Variants in TRERF1 observed in about 807,000 individuals in gnomAD.
The protein encoded by TRERF1 is transcriptional regulating factor 1.
Under a neutral mutation model 122.9 loss-of-function variants are expected in TRERF1, and 27 were observed. That is an observed-to-expected ratio of 0.22 (90% confidence interval 0.16 to 0.30). TRERF1 has a LOEUF of 0.30. Among genes scored for constraint, TRERF1 ranks in the 10% least tolerant of loss-of-function variants. The probability of loss-of-function intolerance (pLI) is 1.00; values close to 1 mark genes in which losing one functional copy is unlikely to be tolerated. For synonymous variants in TRERF1, 636 were observed against 641.7 expected, an observed-to-expected ratio of 0.99 and a Z score of 0.13; for missense variants, 1,248 against 1,560.3, an observed-to-expected ratio of 0.80 and a Z score of 3.37.
At chr6:42,409,104 T>C (rs922216021) in intron 2 of TRERF1, among the ~76,000 whole-genome samples, 2 of 152,012 alleles carry the variant, frequency 1.3e-5, no homozygotes, top group African/African-American at 4.8e-5. Context: ...CCAGGCAACA[T>C]GACAAAATCC....
chr6:42,256,981 G>C, exon 11 of TRERF1: 2 of 1,614,196 alleles, frequency 1.2e-6, no homozygotes, highest in Non-Finnish European at 1.7e-6. Context: ...TGGAGGTCAT[G>C]GTTTTCTAGT....
chr6:42,430,056 C>T (rs544421272), intron 2 of TRERF1, among the ~76,000 whole-genome samples: 1 of 151,822 alleles, frequency 6.6e-6, no homozygotes, highest in African/African-American at 2.4e-5. Flanking sequence ...CAAGCGCATA[C>T]CAGATATGGG....
At chr6:42,440,670 T>C (rs1230971097) in intron 2 of TRERF1, among the ~76,000 whole-genome samples, 2 of 152,208 alleles carry the variant, frequency 1.3e-5, no homozygotes, top group African/African-American at 4.8e-5. Flanking sequence ...GTTACCAAAA[T>C]TCTCCTCAAA....
rs76396873 is a variant in TRERF1 at position 42,362,536 on chromosome 6, T to C, written c.-371+461A>G. ...ATGCCCATTTTATGGAGGGACAAAC[T>C]GAGAATGGAAGGGATCATGAGGCCA... On this transcript the variant is annotated intron_variant, in intron 3 of 17. Coordinates refer to ENST00000372922, the Ensembl canonical transcript of TRERF1. 5.9e-5 allele frequency among the ~76,000 whole-genome samples: 9 copies of C among 152,278 alleles called. No homozygotes were observed. In the East Asian group the frequency reaches 1.7e-3, roughly 29 times the overall value.
At chr6:42,307,278 G>A (rs1787429574) in intron 3 of TRERF1, among the ~76,000 whole-genome samples, 2 of 152,032 alleles carry the variant, frequency 1.3e-5, no homozygotes, top group Non-Finnish European at 2.9e-5. Context: ...CTTTCATTAA[G>A]TGCTCCCCAC....
chr6:42,431,993 G>A (rs1562200274), intron 2 of TRERF1, among the ~76,000 whole-genome samples: 1 of 152,204 alleles, frequency 6.6e-6, no homozygotes, highest in Non-Finnish European at 1.5e-5. Context: ...ATGAGCTCAT[G>A]GTAGTATAGT....
chr6:42,433,303 G>GA (rs1217004019), intron 2 of TRERF1, among the ~76,000 whole-genome samples: 1 of 151,126 alleles, frequency 6.6e-6, no homozygotes, highest in African/African-American at 2.4e-5. Context: ...CAAGATACCA[G>GA]AAAAAAAAGT....
intron 13 of TRERF1, among the ~76,000 whole-genome samples, chr6:42,248,201 G>A (rs1482419555): frequency 6.6e-6 from 1 of 152,108 alleles, no homozygotes; most frequent in Non-Finnish European, 1.5e-5. Context: ...TCACATTTCT[G>A]AAATAAACAA....
chr6:42,240,018 C>T (rs1192623368), intron 15 of TRERF1, among the ~76,000 whole-genome samples: 1 of 151,998 alleles, frequency 6.6e-6, no homozygotes, highest in Non-Finnish European at 1.5e-5. Flanking sequence ...CCCTCTTACC[C>T]TCTCCTCCTT....
intron 3 of TRERF1, among the ~76,000 whole-genome samples, chr6:42,333,520 G>A (rs748632965): frequency 7.2e-5 from 11 of 152,196 alleles, no homozygotes; most frequent in Non-Finnish European, 1.3e-4. Flanking sequence ...TGCGGTGGCC[G>A]CATCAGTCAG....
chr6:42,431,789 A>C (rs1462499426), intron 2 of TRERF1, among the ~76,000 whole-genome samples: 2 of 152,132 alleles, frequency 1.3e-5, no homozygotes, highest in Admixed American at 1.3e-4. Context: ...CAAGCTATAA[A>C]GTGAGCCGCC....
intron 3 of TRERF1, among the ~76,000 whole-genome samples, chr6:42,347,147 AT>A (rs917407503): frequency 6.6e-6 from 1 of 152,208 alleles, no homozygotes; most frequent in African/African-American, 2.4e-5. Flanking sequence ...AAACTTGGAA[AT>A]CAGAAGAAGC....
At chr6:42,446,555 G>C (rs1008316581) in intron 2 of TRERF1, among the ~76,000 whole-genome samples, 11 of 152,246 alleles carry the variant, frequency 7.2e-5, no homozygotes, top group African/African-American at 2.4e-4. Context: ...GAAGTGGTAA[G>C]GGTAGGGGTA....
intron 2 of TRERF1, among the ~76,000 whole-genome samples, chr6:42,384,089 T>A (rs756781349): frequency 6.6e-6 from 1 of 151,988 alleles, no homozygotes; most frequent in African/African-American, 2.4e-5. Flanking sequence ...ATCACAAATG[T>A]AGAGATGCTT....
At chr6:42,366,604 C>T (rs1772771945) in intron 2 of TRERF1, among the ~76,000 whole-genome samples, 1 of 152,230 alleles carries the variant, frequency 6.6e-6, no homozygotes, top group Non-Finnish European at 1.5e-5. Flanking sequence ...GATAGATATA[C>T]TCTCTTCTTC....
At chr6:42,309,236 G>A (rs1188430410) in intron 3 of TRERF1, among the ~76,000 whole-genome samples, 1 of 152,172 alleles carries the variant, frequency 6.6e-6, no homozygotes, top group Non-Finnish European at 1.5e-5. Flanking sequence ...CCTACTGAGT[G>A]CCAAGTATCT....
At chr6:42,435,300 CATTA>C (rs1489186048) in intron 2 of TRERF1, among the ~76,000 whole-genome samples, 8 of 152,146 alleles carry the variant, frequency 5.3e-5, no homozygotes, top group Non-Finnish European at 1.5e-5. Context: ...ACGGCTAAAA[CATTA>C]ATTAAGGGTA....
intron 3 of TRERF1, among the ~76,000 whole-genome samples, chr6:42,310,003 A>T (rs896369004): frequency 6.6e-6 from 1 of 152,162 alleles, no homozygotes; most frequent in Non-Finnish European, 1.5e-5. Context: ...GGCTGAAGCA[A>T]TCTGCCTGTC....
chr6:42,335,878 GTAA>G (rs1388828097), intron 3 of TRERF1, among the ~76,000 whole-genome samples: 3 of 152,270 alleles, frequency 2.0e-5, no homozygotes, highest in East Asian at 3.9e-4. Flanking sequence ...GCCTGTTTAT[GTAA>G]TAAACACTTC....
Sources: allele counts gnomAD v4.1 joint callset (sites outside exome capture counted in the v4.1 genomes callset), GRCh38; gene constraint gnomAD v4.1.1; transcripts MANE v1.5; gene names NCBI Gene and HGNC (gene_info 2026-07-23, HGNC 2026-07-21).